Variants in COG5 observed in about 807,000 individuals in gnomAD.
The protein encoded by COG5 is component of oligomeric golgi complex 5.
Under a neutral mutation model 110.4 loss-of-function variants are expected in COG5, and 86 were observed. The observed-to-expected ratio is 0.78, with a 90% CI of 0.65 to 0.93. The LOEUF (loss-of-function observed/expected upper bound fraction) is 0.93. Among genes scored for constraint, COG5 ranks in the 40% least tolerant of loss-of-function variants. COG5 has a pLI of 0.00. For missense variants in COG5, 1,077 were observed against 987.0 expected, an observed-to-expected ratio of 1.09 and a Z score of -1.22; for synonymous variants, 360 against 334.6, an observed-to-expected ratio of 1.08 and a Z score of -0.83.
chr7:107,252,594 CAT>C (rs1224142077), intron 16 of COG5, among the ~76,000 whole-genome samples: 3 of 152,060 alleles, frequency 2.0e-5, no homozygotes, highest in South Asian at 2.1e-4. Context: ...CAAATAAAGA[CAT>C]AGAAAATTTT....
chr7:107,214,036 A>AT (rs1816272890), intron 19 of COG5, among the ~76,000 whole-genome samples: 1 of 152,206 alleles, frequency 6.6e-6, no homozygotes, highest in Non-Finnish European at 1.5e-5. Context: ...GGAACACAAT[A>AT]TATGAACAAA....
intron 11 of COG5, among the ~76,000 whole-genome samples, chr7:107,319,584 T>C (rs1809071066): frequency 6.6e-6 from 1 of 152,234 alleles, no homozygotes; most frequent in Admixed American, 6.5e-5. Flanking sequence ...TTGCCCAATG[T>C]CTGAAAACAG....
chr7:107,311,781 T>C (rs372807892), intron 11 of COG5, among the ~76,000 whole-genome samples: 51 of 152,256 alleles, frequency 3.3e-4, no homozygotes, highest in African/African-American at 1.1e-3. Flanking sequence ...TTACCTTTAG[T>C]GTTAATTAAA....
chr7:107,440,002 C>T (rs545325792), intron 6 of COG5, among the ~76,000 whole-genome samples: 1 of 152,272 alleles, frequency 6.6e-6, no homozygotes, highest in Non-Finnish European at 1.5e-5. Flanking sequence ...CAACATCCTC[C>T]ATGAATTTCT....
chr7:107,264,623 G>A (rs1408785758), intron 14 of COG5, among the ~76,000 whole-genome samples: 1 of 152,096 alleles, frequency 6.6e-6, no homozygotes, highest in Non-Finnish European at 1.5e-5. Flanking sequence ...AGCCCAAGAG[G>A]TGGAGATTGC....
intron 5 of COG5, among the ~76,000 whole-genome samples, chr7:107,536,198 GA>G (rs1331764204): frequency 6.6e-6 from 1 of 151,414 alleles, no homozygotes; most frequent in Non-Finnish European, 1.5e-5. Flanking sequence ...CATTCCCTTT[GA>G]AAACTGGCAC....
At chr7:107,554,600 T>C (rs1212328460) in intron 2 of COG5, among the ~76,000 whole-genome samples, 1 of 152,162 alleles carries the variant, frequency 6.6e-6, no homozygotes, top group Non-Finnish European at 1.5e-5. Flanking sequence ...AAACACAAAA[T>C]ACCTTAGACT....
intron 10 of COG5, among the ~76,000 whole-genome samples, chr7:107,328,188 T>G (rs188820853): frequency 6.6e-6 from 1 of 152,320 alleles, no homozygotes; most frequent in East Asian, 1.9e-4. Context: ...CTAGAAGGGA[T>G]AGCCTACTAC....
chr7:107,532,500 C>T (rs1431930837), intron 5 of COG5, among the ~76,000 whole-genome samples: 1 of 152,142 alleles, frequency 6.6e-6, no homozygotes, highest in African/African-American at 2.4e-5. Flanking sequence ...ATAAAACATT[C>T]TCAGATTAAC....
At chr7:107,331,896 C>T (rs1020862563) in intron 10 of COG5, among the ~76,000 whole-genome samples, 3 of 145,988 alleles carry the variant, frequency 2.1e-5, no homozygotes, top group African/African-American at 7.7e-5. Context: ...GGCTGGAGTA[C>T]AGTGGCACGA....
chr7:107,544,768 C>T (rs893164093), intron 5 of COG5, among the ~76,000 whole-genome samples: 1 of 152,194 alleles, frequency 6.6e-6, no homozygotes, highest in African/African-American at 2.4e-5. Context: ...AACATAACAC[C>T]ACCAAAGGAA....
intron 19 of COG5, among the ~76,000 whole-genome samples, chr7:107,213,074 T>C (rs1440400724): frequency 1.3e-5 from 2 of 152,162 alleles, no homozygotes; most frequent in Non-Finnish European, 2.9e-5. Context: ...TTGCAGTGAC[T>C]GGTGTGCAGA....
intron 7 of COG5, among the ~76,000 whole-genome samples, chr7:107,376,536 G>A (rs538630229): frequency 1.4e-4 from 21 of 151,774 alleles, no homozygotes; most frequent in Admixed American, 1.2e-3. Flanking sequence ...GATATAAATT[G>A]TATGTTTTTA....
chr7:107,298,937 C>T (rs1330682057), intron 11 of COG5, among the ~76,000 whole-genome samples: 1 of 152,018 alleles, frequency 6.6e-6, no homozygotes, highest in Non-Finnish European at 1.5e-5. Context: ...CTAAATAACC[C>T]ATGGATCAAA....
chr7:107,550,778 T>A (rs1448506308), intron 3 of COG5, among the ~76,000 whole-genome samples: 2 of 152,120 alleles, frequency 1.3e-5, no homozygotes, highest in Middle Eastern at 6.4e-3. Context: ...TGATCTCGGC[T>A]CACCGCAACC....
At chr7:107,475,793 A>C (rs1399925851) in intron 6 of COG5, 2 of 166,828 alleles carry the variant, frequency 1.2e-5, no homozygotes, top group East Asian at 1.9e-4. Flanking sequence ...TAAAAACCAA[A>C]ATTATGGGCT....
chr7:107,434,964 C>T (rs1236955632), intron 6 of COG5, among the ~76,000 whole-genome samples: 5 of 148,656 alleles, frequency 3.4e-5, no homozygotes, highest in Non-Finnish European at 5.9e-5. Flanking sequence ...AGCGAGACTC[C>T]GTCTTAAAAA....
chr7:107,496,355 A>C (rs533244277), intron 6 of COG5, among the ~76,000 whole-genome samples: 4 of 152,294 alleles, frequency 2.6e-5, no homozygotes, highest in Non-Finnish European at 4.4e-5. Flanking sequence ...AGAGTAGTTC[A>C]ACATACAAAA....
intron 7 of COG5, among the ~76,000 whole-genome samples, chr7:107,406,274 A>T (rs1280358319): frequency 2.0e-5 from 3 of 152,164 alleles, no homozygotes; most frequent in Admixed American, 1.3e-4. Flanking sequence ...TTTTTCTAAG[A>T]TCTATGCAGA....
Sources: gnomAD v4.1 joint callset for allele counts (sites outside exome capture counted in the v4.1 genomes callset) on GRCh38, gnomAD v4.1.1 for gene constraint, MANE v1.5 for transcripts, NCBI Gene and HGNC (gene_info 2026-07-23, HGNC 2026-07-21) for gene names.